PDZRN3: variants seen among roughly 807,000 people sequenced by gnomAD.
PDZRN3 encodes the protein PDZ domain containing ring finger 3.
In PDZRN3, 38 loss-of-function variants were observed where a neutral mutation model predicts 85.7. That is an observed-to-expected ratio of 0.44 (90% CI 0.34 to 0.58). The LOEUF (loss-of-function observed/expected upper bound fraction) is 0.58, where lower values mean the gene tolerates loss of function less well. Among genes scored for constraint, PDZRN3 ranks in the 20% least tolerant of loss-of-function variants. The pLI is 0.01. For missense variants in PDZRN3, 1,629 were observed against 1,506.4 expected (o/e 1.08, Z -1.35); for synonymous variants, 759 against 638.0 (o/e 1.19, Z -2.86).
At chr3:73,446,882 C>T (rs1458561622) in intron 3 of PDZRN3, among the ~76,000 whole-genome samples, 1 of 151,812 alleles carries the variant, frequency 6.6e-6, no homozygotes, top group Non-Finnish European at 1.5e-5. Context: ...TTCTGTTGCT[C>T]TCGACAGTGC....
intron 3 of PDZRN3, among the ~76,000 whole-genome samples, chr3:73,548,592 A>T (rs4077588): frequency 0.26 from 40,229 of 152,182 alleles, 5,702 homozygotes; most frequent in Middle Eastern, 0.33. Flanking sequence ...TAAGATTGGT[A>T]ATCTTGGCCT....
rs113371408 is a variant in PDZRN3, at chr3:73,559,128, C to CG, written c.918+43225dup. Among the ~76,000 whole-genome samples, 1,411 of 152,236 alleles carry CG rather than the reference C, an allele frequency of 9.3e-3. 21 individuals are homozygous for CG. The highest frequency in any genetic ancestry group is 0.033 in the African/African-American group (1,357 of 41,538). Reference sequence around the variant, plus strand: ...CAATTAACCACAATTAGTGGGATGGCGGGGGTTGTCACAACCTTTCTCTGG... The same window carrying CG: ...CAATTAACCACAATTAGTGGGATGGCGGGGGGTTGTCACAACCTTTCTCTGG... On this transcript the variant is annotated intron_variant, in intron 3 of 9. Transcript: ENST00000263666.
chr3:73,477,856 A>G (rs1288599458), intron 3 of PDZRN3, among the ~76,000 whole-genome samples: 1 of 152,158 alleles, frequency 6.6e-6, no homozygotes, highest in Non-Finnish European at 1.5e-5. Flanking sequence ...ATAAAGAGCA[A>G]AGGCATGTCT....
chr3:73,541,952 T>C (rs1485446608), intron 3 of PDZRN3, among the ~76,000 whole-genome samples: 2 of 152,202 alleles, frequency 1.3e-5, no homozygotes, highest in Non-Finnish European at 2.9e-5. Flanking sequence ...AAGGTAGTAT[T>C]TGAGTAATAA....
intron 3 of PDZRN3, among the ~76,000 whole-genome samples, chr3:73,495,958 CT>C (rs985326978): frequency 1.4e-4 from 21 of 151,894 alleles, no homozygotes; most frequent in South Asian, 4.2e-4. Flanking sequence ...ACCCTTCCCC[CT>C]ATCCCCATCC....
At chr3:73,474,347 A>T in intron 3 of PDZRN3, 1 of 524,510 alleles carries the variant, frequency 1.9e-6, no homozygotes, top group Non-Finnish European at 3.0e-6. Flanking sequence ...TACTTTACCT[A>T]TGCAGTATTT....
chr3:73,469,069 A>G (rs1297371931), intron 3 of PDZRN3, among the ~76,000 whole-genome samples: 1 of 151,978 alleles, frequency 6.6e-6, no homozygotes, highest in African/African-American at 2.4e-5. Flanking sequence ...CAAGAAAAAA[A>G]GATTCATCTT....
intron 3 of PDZRN3, among the ~76,000 whole-genome samples, chr3:73,473,705 C>G (rs1220032088): frequency 2.0e-5 from 3 of 152,158 alleles, no homozygotes; most frequent in African/African-American, 7.2e-5. Context: ...AAGTTAGGCA[C>G]TCACTCTGAG....
At chr3:73,478,552 A>G (rs1466860369) in intron 3 of PDZRN3, among the ~76,000 whole-genome samples, 1 of 150,910 alleles carries the variant, frequency 6.6e-6, no homozygotes, top group East Asian at 1.9e-4. Context: ...TAATATAATA[A>G]TAATGTAATA....
intron 3 of PDZRN3, among the ~76,000 whole-genome samples, chr3:73,494,941 T>C (rs114750930): frequency 0.018 from 2,789 of 152,260 alleles, 94 homozygotes; most frequent in African/African-American, 0.063. Context: ...AAATAATGCA[T>C]ATTCTCACTT....
chr3:73,519,172 T>TG (rs1192204223), intron 3 of PDZRN3, among the ~76,000 whole-genome samples: 1 of 152,186 alleles, frequency 6.6e-6, no homozygotes, highest in Non-Finnish European at 1.5e-5. Flanking sequence ...CACTGGCTGA[T>TG]GGAGTCCCTT....
intron 5 of PDZRN3, among the ~76,000 whole-genome samples, chr3:73,392,677 C>A (rs1701552858): frequency 6.6e-6 from 1 of 152,164 alleles, no homozygotes; most frequent in African/African-American, 2.4e-5. Context: ...TTGTTTGTGG[C>A]AGAGTGGGTA....
At chr3:73,582,034 A>T (rs1055039425) in intron 3 of PDZRN3, among the ~76,000 whole-genome samples, 1 of 151,974 alleles carries the variant, frequency 6.6e-6, no homozygotes, top group Non-Finnish European at 1.5e-5. Flanking sequence ...CAGGAGGTTG[A>T]GGCTGCACTG....
At chr3:73,416,875 GGTTTT>G (rs1702094931) in intron 3 of PDZRN3, among the ~76,000 whole-genome samples, 3 of 40,746 alleles carry the variant, frequency 7.4e-5, no homozygotes, top group African/African-American at 2.2e-4. Context: ...GTTTTTTTTT[GGTTTT>G]TTTTTTTTTT....
intron 3 of PDZRN3, among the ~76,000 whole-genome samples, chr3:73,487,307 C>T (rs996338377): frequency 1.3e-5 from 2 of 152,040 alleles, no homozygotes; most frequent in Middle Eastern, 3.4e-3. Flanking sequence ...TAGAGGGTCA[C>T]GTTCTTCTTT....
chr3:73,484,161 A>G (rs1358339687), intron 3 of PDZRN3, among the ~76,000 whole-genome samples: 1 of 152,202 alleles, frequency 6.6e-6, no homozygotes, highest in African/African-American at 2.4e-5. Context: ...GTGTGTGAGA[A>G]GCAGAGTCTA....
At chr3:73,605,741 G>C (rs1702591019) in intron 2 of PDZRN3, among the ~76,000 whole-genome samples, 1 of 152,190 alleles carries the variant, frequency 6.6e-6, no homozygotes. Context: ...AATACATTCA[G>C]GTTTCATGAT....
chr3:73,400,799 G>A (rs1701733154), intron 5 of PDZRN3, 123 bp downstream of exon 5: 8 of 729,982 alleles, frequency 1.1e-5, no homozygotes, highest in Non-Finnish European at 1.8e-5. Context: ...ATCAGTAAAA[G>A]TGGTTCTGCT....
chr3:73,624,858 C>A lies in PDZRN3; in HGVS notation c.-33G>T. The A allele has an allele frequency of 7.9e-7, 1 of 1,266,450 alleles. No individual in the cohort carries two copies. Among genetic ancestry groups the A allele is most frequent in the Non-Finnish European group, 9.9e-7 (1 of 1,008,394 alleles). 78.5% of individuals were successfully genotyped at this position (1,266,450 alleles called of 1,614,324 possible). Reference sequence around the variant, plus strand: ...GCCAGGCCCCGGGGTCGCCGCCGGGCGGCCGGGCGCCCCCTCCCTCCCCAC... The same window carrying A: ...GCCAGGCCCCGGGGTCGCCGCCGGGAGGCCGGGCGCCCCCTCCCTCCCCAC... On this transcript the variant is annotated 5_prime_UTR_variant, in exon 1 of 10. Coordinates refer to ENST00000263666, the MANE Select transcript of PDZRN3 (RefSeq NM_015009.3).
Sources: allele counts gnomAD v4.1 joint callset (sites outside exome capture counted in the v4.1 genomes callset), GRCh38; gene constraint gnomAD v4.1.1; transcripts MANE v1.5; gene names NCBI Gene and HGNC (gene_info 2026-07-23, HGNC 2026-07-21).